SLC39A11: variants seen among roughly 807,000 people sequenced by gnomAD.
SLC39A11 encodes the protein solute carrier family 39 member 11, also known as zinc transporter ZIP11.
SLC39A11 carries 33 observed loss-of-function variants against 36.1 expected under a neutral mutation model. The observed-to-expected ratio is 0.91, with a 90% CI of 0.69 to 1.22. The LOEUF is 1.22. Among genes scored for constraint, SLC39A11 ranks in the 50% most tolerant of loss-of-function variants. The pLI, the probability that SLC39A11 is intolerant of heterozygous loss-of-function variation, is 0.00. For missense variants in SLC39A11, 432 were observed against 430.3 expected (o/e 1.00, Z -0.03); for synonymous variants, 166 against 170.3 (o/e 0.97, Z 0.20).
At chr17:72,739,111 G>A (rs113990941) in intron 6 of SLC39A11, among the ~76,000 whole-genome samples, 21 of 149,698 alleles carry the variant, frequency 1.4e-4, no homozygotes, top group African/African-American at 4.9e-4. Flanking sequence ...ACTGTAAGCT[G>A]CAGGTTGAGA....
intron 7 of SLC39A11, among the ~76,000 whole-genome samples, chr17:72,655,960 G>C (rs751786924): frequency 6.6e-5 from 10 of 152,132 alleles, no homozygotes; most frequent in Non-Finnish European, 1.5e-4. Context: ...TGGTGGCGTG[G>C]AGGATGCCCC....
intron 7 of SLC39A11, among the ~76,000 whole-genome samples, chr17:72,726,147 G>C (rs907659873): frequency 6.6e-6 from 1 of 152,224 alleles, no homozygotes; most frequent in Non-Finnish European, 1.5e-5. Context: ...TGCTCCACGA[G>C]TCTGGGAGAC....
At chr17:72,743,325 C>CT (rs961518942) in intron 6 of SLC39A11, among the ~76,000 whole-genome samples, 15 of 152,222 alleles carry the variant, frequency 9.9e-5, no homozygotes, top group Non-Finnish European at 1.5e-5. Context: ...ACACTGGCAT[C>CT]TGAGTCTCTG....
intron 5 of SLC39A11, among the ~76,000 whole-genome samples, chr17:72,942,886 AC>A (rs1380844744): frequency 1.3e-5 from 2 of 152,248 alleles, no homozygotes; most frequent in African/African-American, 4.8e-5. Context: ...GTGAAAACCC[AC>A]CTATTGGGTT....
intron 6 of SLC39A11, among the ~76,000 whole-genome samples, chr17:72,830,245 ATTC>A (rs1457308566): frequency 1.3e-5 from 2 of 152,156 alleles, no homozygotes; most frequent in African/African-American, 4.8e-5. Context: ...GCCCCCTCCA[ATTC>A]TTCTGTCCAC....
At chr17:72,879,589 C>T (rs2081092203) in intron 5 of SLC39A11, among the ~76,000 whole-genome samples, 1 of 152,230 alleles carries the variant, frequency 6.6e-6, no homozygotes, top group Admixed American at 6.5e-5. Flanking sequence ...GTCTGTTTTG[C>T]CGTAGTGTTA....
intron 6 of SLC39A11, among the ~76,000 whole-genome samples, chr17:72,764,800 T>C (rs555474315): frequency 6.6e-6 from 1 of 152,328 alleles, no homozygotes; most frequent in South Asian, 2.1e-4. Context: ...GTATCAGTGC[T>C]GGTGGGGAGT....
At position 72,878,991 on chromosome 17, in the gene SLC39A11, A is replaced by C. The variant is rs532650510; in HGVS notation, c.431-29187T>G. Among the ~76,000 whole-genome samples the C allele has an allele frequency of 3.9e-5, 6 of 152,378 alleles. 1 individual carries two copies. Among genetic ancestry groups the C allele is most frequent in the Admixed American group, 2.6e-4 (4 of 15,306 alleles). ...AGGATGGCTCACAGAACCCAAGGAA[A>C]CACTTCACTTATGTTCACCATTTAT... On this transcript the variant is annotated intron_variant, in intron 5 of 9. Transcript: ENST00000255559.
At chr17:72,830,774 C>T (rs187258847) in intron 6 of SLC39A11, among the ~76,000 whole-genome samples, 4 of 152,262 alleles carry the variant, frequency 2.6e-5, no homozygotes, top group African/African-American at 9.6e-5. Context: ...CCCATGCATA[C>T]CCTGGCACTC....
At chr17:73,071,093 T>C (rs903720245) in intron 3 of SLC39A11, among the ~76,000 whole-genome samples, 1 of 152,164 alleles carries the variant, frequency 6.6e-6, no homozygotes, top group Admixed American at 6.5e-5. Flanking sequence ...GTGATTCTAA[T>C]GTGCAGCCAG....
intron 7 of SLC39A11, among the ~76,000 whole-genome samples, chr17:72,729,449 A>ATTTTTTTTT (rs2074117088): frequency 1.9e-4 from 1 of 5,164 alleles, no homozygotes; most frequent in Non-Finnish European, 3.8e-4. Flanking sequence ...ATATATATAT[A>ATTTTTTTTT]TATATATATT....
chr17:72,749,313 G>T (rs1360206062), intron 6 of SLC39A11, among the ~76,000 whole-genome samples: 2 of 152,192 alleles, frequency 1.3e-5, no homozygotes, highest in Non-Finnish European at 2.9e-5. Flanking sequence ...CCTTGACTCT[G>T]AAGTCAGAGC....
intron 7 of SLC39A11, among the ~76,000 whole-genome samples, chr17:72,654,897 C>T (rs1018941474): frequency 9.9e-5 from 15 of 152,230 alleles, no homozygotes; most frequent in Admixed American, 6.5e-4. Flanking sequence ...AGCCATCGCC[C>T]GGCGGGCTGT....
At chr17:72,787,327 G>A (rs921551314) in intron 6 of SLC39A11, among the ~76,000 whole-genome samples, 3 of 128,090 alleles carry the variant, frequency 2.3e-5, no homozygotes, top group Non-Finnish European at 3.1e-5. Context: ...GCGCAATCTC[G>A]GCTCACTGCA....
intron 5 of SLC39A11, among the ~76,000 whole-genome samples, chr17:72,903,591 C>G (rs931510538): frequency 6.6e-6 from 1 of 152,200 alleles, no homozygotes; most frequent in Admixed American, 6.5e-5. Flanking sequence ...GCAGCCAAGC[C>G]CCCGGGTAAT....
At chr17:72,801,116 A>C (rs1235216064) in intron 6 of SLC39A11, among the ~76,000 whole-genome samples, 1 of 152,224 alleles carries the variant, frequency 6.6e-6, no homozygotes, top group East Asian at 1.9e-4. Flanking sequence ...AGATCTAGAG[A>C]AACAGAAAGT....
chr17:72,910,926 CAAAA>C (rs199741291), intron 5 of SLC39A11, among the ~76,000 whole-genome samples: 104 of 111,980 alleles, frequency 9.3e-4, no homozygotes, highest in African/African-American at 3.0e-3. Flanking sequence ...GACTCCACCT[CAAAA>C]AAAAAAAAAA....
chr17:72,662,541 GAAAGAAAAGAAAAAAGA>G lies in SLC39A11; in HGVS notation c.672-13290_672-13274del, dbSNP rs1296646336. ...GAAGAAAGAGAAAGAAAGAGAGAAA[GAAAGAAAAGAAAAAAGA>G]AAAGAAAAGAAAAAGGAAAGAAAGG... On this transcript the variant is annotated intron_variant, in intron 7 of 9. Coordinates refer to ENST00000255559, the MANE Select transcript of SLC39A11 (RefSeq NM_139177.4). 9.1e-5 allele frequency among the ~76,000 whole-genome samples: 10 copies of G among 110,258 alleles called. 1 individual carries two copies. The highest frequency in any genetic ancestry group is 6.0e-4 in the South Asian group (2 of 3,316). The allele number at this position is 110,258 out of a possible 152,430, so 72.3% of individuals were successfully genotyped here. A position where few individuals can be genotyped will look rare whatever the true frequency, so the allele number is the denominator to read the frequency against.
intron 6 of SLC39A11, among the ~76,000 whole-genome samples, chr17:72,769,631 C>G (rs111391076): frequency 0.017 from 2,637 of 152,010 alleles, 77 homozygotes; most frequent in African/African-American, 0.059. Flanking sequence ...TGCAACCTCC[C>G]CCTCCTGGGT....
Sources: allele counts gnomAD v4.1 joint callset (sites outside exome capture counted in the v4.1 genomes callset), GRCh38; gene constraint gnomAD v4.1.1; transcripts MANE v1.5; gene names NCBI Gene and HGNC (gene_info 2026-07-23, HGNC 2026-07-21).